SPATA13: variants seen among roughly 807,000 people sequenced by gnomAD.
The protein encoded by SPATA13 is spermatogenesis-associated protein 13.
A neutral mutation model predicts 104.0 loss-of-function variants in SPATA13; 50 were observed. That is an observed-to-expected ratio of 0.48 (90% CI 0.38 to 0.61). The LOEUF is 0.61. SPATA13 is among the 20% of genes least tolerant of loss of function. The probability of loss-of-function intolerance (pLI) is 0.00; values close to 1 mark genes in which losing one functional copy is unlikely to be tolerated. For synonymous variants in SPATA13, 606 were observed against 667.5 expected (o/e 0.91, Z 1.42); for missense variants, 1,524 against 1,690.6 (o/e 0.90, Z 1.73).
rs181301104 is a variant in SPATA13 at position 24,088,594 on chromosome 13, A to G, written c.-112+70893A>G. ...CTGCACTCATTTTTAAAATGACATAATAAACACATCTCTTTAACCTCAATT... is the reference window on the plus strand; with the variant it reads ...CTGCACTCATTTTTAAAATGACATAGTAAACACATCTCTTTAACCTCAATT... On this transcript the variant is annotated intron_variant, in intron 3 of 14. Transcript: ENST00000424834. This position sits in a 1 kb window ranked among gnomAD's most constrained non-coding sequence, Gnocchi z 4.3. 6.6e-6 allele frequency among the ~76,000 whole-genome samples: 1 copy of G among 152,290 alleles called. No individual in the cohort carries two copies. Among genetic ancestry groups the G allele is most frequent in the East Asian group, 1.9e-4 (1 of 5,176 alleles).
intron 4 of SPATA13, chr13:24,271,026 C>G (rs1874566975): frequency 2.8e-6 from 2 of 714,380 alleles, no homozygotes; most frequent in Admixed American, 4.2e-5. Flanking sequence ...CTCTCACTCT[C>G]TCTCTCTCTC....
At position 24,042,588 on chromosome 13, in the gene SPATA13, C is replaced by A. The variant is rs1268533312; in HGVS notation, c.-112+24887C>A. On this transcript the variant is annotated intron_variant, in intron 3 of 14. Coordinates refer to the SPATA13 transcript ENST00000424834. ...ACATCTATGCCCGTGCGCGAACTCA[C>A]TTCTCAGAGCACTGGCTCATGGGCG... Among the ~76,000 whole-genome samples, 3 of 152,276 alleles carry A rather than the reference C, an allele frequency of 2.0e-5. No individual in the cohort carries two copies. In the East Asian group the frequency reaches 5.8e-4, roughly 29 times the overall value.
chr13:24,230,784 A>G (rs1872219499), intron 2 of SPATA13, among the ~76,000 whole-genome samples: 1 of 152,010 alleles, frequency 6.6e-6, no homozygotes, highest in South Asian at 2.1e-4. Flanking sequence ...GAGGAGGGAG[A>G]TCAGGTTAAG....
rs561905985 is a variant in SPATA13 at position 24,083,694 on chromosome 13, C to G, written c.-112+65993C>G. ...CTTCTGATTTGCCCTGAGAGGATTGCTTGGCAAATCAAGGGGAGTCACTTT... is the reference window on the plus strand; with the variant it reads ...CTTCTGATTTGCCCTGAGAGGATTGGTTGGCAAATCAAGGGGAGTCACTTT... On this transcript the variant is annotated intron_variant, in intron 3 of 14. Coordinates refer to the SPATA13 transcript ENST00000424834. Among the ~76,000 whole-genome samples, 36 of 152,272 alleles carry G rather than the reference C, an allele frequency of 2.4e-4. No homozygotes were observed. The Middle Eastern group carries it at 0.02, about 86-fold the overall frequency.
intron 2 of SPATA13, among the ~76,000 whole-genome samples, chr13:24,240,452 T>C (rs1418794811): frequency 4.6e-5 from 7 of 151,994 alleles, no homozygotes; most frequent in Non-Finnish European, 1.0e-4. Flanking sequence ...AGTGTTGGTT[T>C]TGGGGTCACG....
At chr13:24,147,998 A>C (rs1021164109) in intron 3 of SPATA13, among the ~76,000 whole-genome samples, 1 of 152,138 alleles carries the variant, frequency 6.6e-6, no homozygotes, top group African/African-American at 2.4e-5. Flanking sequence ...TTCATCCACC[A>C]CTGGACACCT....
intron 4 of SPATA13, among the ~76,000 whole-genome samples, chr13:24,258,480 A>C (rs2138675198): frequency 6.6e-6 from 1 of 152,174 alleles, no homozygotes; most frequent in South Asian, 2.1e-4. Flanking sequence ...CAGCCTGGCC[A>C]ACATGGCAAA....
chr13:24,068,521 A>G (rs1879048239), intron 3 of SPATA13, among the ~76,000 whole-genome samples: 2 of 152,184 alleles, frequency 1.3e-5, no homozygotes, highest in Non-Finnish European at 2.9e-5. Context: ...GTCAAATGAT[A>G]TTTCTGTCAT....
Position 24,224,078 on chromosome 13 carries a change from C to T in SPATA13, c.1149C>T (p.Thr383=). Residue 383 remains threonine (T), a synonymous_variant, in exon 2 of 13, where the codon ACC becomes ACT. Transcript: ENST00000382108. ...SRRGGAVMHG[T]TATCTVAPGF... ...GGGGCGGGGCGGTCATGCATGGGAC[C>T]ACTGCAACCTGCACCGTGGCCCCCG... 2 of 1,550,822 alleles carry T rather than the reference C, an allele frequency of 1.3e-6. No homozygotes were observed. The highest frequency in any genetic ancestry group is 2.4e-5 in the South Asian group (2 of 84,052).
intron 3 of SPATA13, among the ~76,000 whole-genome samples, chr13:24,117,608 T>G (rs554301503): frequency 5.9e-5 from 9 of 152,238 alleles, no homozygotes; most frequent in Non-Finnish European, 1.2e-4. Flanking sequence ...CATTTTTCTC[T>G]GAGCTTTCTT....
At chr13:24,009,940 G>T (rs1876395400) in intron 2 of SPATA13, among the ~76,000 whole-genome samples, 1 of 152,296 alleles carries the variant, frequency 6.6e-6, no homozygotes, top group East Asian at 1.9e-4. Context: ...AGATGGTTGG[G>T]GGGCTTACAA....
chr13:24,300,372 A>G (rs780869795), intron 11 of SPATA13, 29 bp from the exon 12 acceptor site: 7 of 1,592,814 alleles, frequency 4.4e-6, no homozygotes, highest in Non-Finnish European at 5.2e-6. Context: ...CGTGTTCTGA[A>G]TATATATCAC....
chr13:23,996,623 G>A (rs1487155170), intron 2 of SPATA13, among the ~76,000 whole-genome samples: 1 of 139,034 alleles, frequency 7.2e-6, no homozygotes, highest in Non-Finnish European at 1.6e-5. Context: ...TGGCTGATTG[G>A]CTGAGATTTG....
intron 3 of SPATA13, among the ~76,000 whole-genome samples, chr13:24,047,659 A>G (rs532484922): frequency 3.3e-4 from 50 of 152,284 alleles, no homozygotes; most frequent in African/African-American, 1.2e-3. Context: ...ATAGTGTGGG[A>G]GTTCTTCTTT....
At chr13:24,022,365 A>G (rs1877022830) in intron 3 of SPATA13, among the ~76,000 whole-genome samples, 1 of 152,252 alleles carries the variant, frequency 6.6e-6, no homozygotes, top group South Asian at 2.1e-4. Flanking sequence ...TAATTGCAGT[A>G]TTCTGAAACT....
Position 24,050,154 on chromosome 13 carries a change from G to A in SPATA13, c.-112+32453G>A, listed in dbSNP as rs188310318. Among the ~76,000 whole-genome samples, 579 of 152,308 alleles carry A rather than the reference G, an allele frequency of 3.8e-3. 8 individuals carry two copies. Among genetic ancestry groups the A allele is most frequent in the African/African-American group, 0.012 (515 of 41,558 alleles). ...CAAAGTGCTGGGATTACAAGTGTGAGCCACCATGCCAGGCCTTTCAGATTC... is the reference window on the plus strand; with the variant it reads ...CAAAGTGCTGGGATTACAAGTGTGAACCACCATGCCAGGCCTTTCAGATTC... On this transcript the variant is annotated intron_variant, in intron 3 of 14. Transcript: ENST00000424834.
At chr13:24,012,654 G>A (rs1366210521) in intron 2 of SPATA13, among the ~76,000 whole-genome samples, 3 of 152,212 alleles carry the variant, frequency 2.0e-5, no homozygotes, top group African/African-American at 4.8e-5. Flanking sequence ...CCCGTCTTCC[G>A]CAGCCAACCC....
At position 24,290,853 on chromosome 13, in the gene SPATA13, G is replaced by A. The variant is rs1408679634; in HGVS notation, c.3049G>A (p.Glu1017Lys). 1 of 1,614,074 alleles carries A rather than the reference G, an allele frequency of 6.2e-7. No individual in the cohort carries two copies. The highest frequency in any genetic ancestry group is 8.5e-7 in the Non-Finnish European group (1 of 1,179,980). The change falls in exon 9 of 13, where the codon GAG becomes AAG. Residue 1017 changes from glutamate to lysine, a missense_variant. Around this residue, in one of 2 missense-constraint regions of SPATA13, gnomAD observed 435 missense variants for 554.8 expected, o/e 0.78. Coordinates refer to ENST00000382108, the MANE Select transcript of SPATA13 (RefSeq NM_001166271.3). ...CTGCAAATACCCGCTGCAGCTGGCC[G>A]AGCTGCTCAAGTATACCACACAGGA... is the stretch of plus-strand genomic sequence containing the variant. Reference protein sequence around the residue: ...KICKYPLQLAELLKYTTQEHG... With the variant: ...KICKYPLQLAKLLKYTTQEHG...
rs1436841520 is a variant in SPATA13 at position 24,132,254 on chromosome 13, C to T, written c.-111-90565C>T. On this transcript the variant is annotated intron_variant, in intron 3 of 14. Coordinates refer to the SPATA13 transcript ENST00000424834. ...CTGATCACACTGCAGAGCTGCCATG[C>T]AGCCTTGAATGACTTCCCCCAAAAA... Among the ~76,000 whole-genome samples, 6 of 152,352 alleles carry T rather than the reference C, an allele frequency of 3.9e-5. No homozygotes were observed. The East Asian group carries it at 1.2e-3, about 29-fold the overall frequency.
Sources: allele counts gnomAD v4.1 joint callset (sites outside exome capture counted in the v4.1 genomes callset), GRCh38; gene constraint gnomAD v4.1.1; regional missense constraint gnomAD v4.1.1; non-coding constraint Gnocchi (gnomAD v3.1); transcripts MANE v1.5; gene names NCBI Gene and HGNC (gene_info 2026-07-23, HGNC 2026-07-21).